The following ARHGAP32 variants were observed in gnomAD, a reference collection of about 807,000 sequenced individuals.
The protein encoded by ARHGAP32 is rho GTPase-activating protein 32.
Under a neutral mutation model 186.5 loss-of-function variants are expected in ARHGAP32, and 51 were observed. That is an observed-to-expected ratio of 0.27 (90% CI 0.22 to 0.35). The LOEUF is 0.35. Ranked by LOEUF, ARHGAP32 falls within the 10% of genes least tolerant of loss-of-function variation. The probability of loss-of-function intolerance (pLI) is 1.00; values close to 1 mark genes in which losing one functional copy is unlikely to be tolerated. For synonymous variants in ARHGAP32, 950 were observed against 964.3 expected, an observed-to-expected ratio of 0.99 and a Z score of 0.27; for missense variants, 2,186 against 2,623.5, an observed-to-expected ratio of 0.83 and a Z score of 3.64.
chr11:129,119,577 CTG>C (rs1294221519), intron 5 of ARHGAP32, among the ~76,000 whole-genome samples: 5 of 151,954 alleles, frequency 3.3e-5, no homozygotes, highest in Non-Finnish European at 7.4e-5. Flanking sequence ...GTGTCAATCA[CTG>C]TTCTAGATGT....
intron 1 of ARHGAP32, among the ~76,000 whole-genome samples, chr11:129,236,293 T>C (rs1037317529): frequency 5.3e-5 from 8 of 152,086 alleles, no homozygotes; most frequent in Non-Finnish European, 1.0e-4. Context: ...TGCACAGTGG[T>C]TTTGATTTGC....
At chr11:129,055,192 C>G (rs942126950) in intron 10 of ARHGAP32, among the ~76,000 whole-genome samples, 1 of 152,216 alleles carries the variant, frequency 6.6e-6, no homozygotes, top group African/African-American at 2.4e-5. Flanking sequence ...CAGAACAGCA[C>G]CCTTCAATAC....
chr11:129,124,025 C>A (rs1942598123), intron 3 of ARHGAP32, 96 bp from the exon 4 acceptor site: 2 of 841,898 alleles, frequency 2.4e-6, no homozygotes, highest in South Asian at 1.7e-5. Flanking sequence ...TGGTTTTCCT[C>A]TTTAAAACTG....
At chr11:128,989,516 T>TCACACACACA (rs56090706) in intron 12 of ARHGAP32, among the ~76,000 whole-genome samples, 12,515 of 138,712 alleles carry the variant, frequency 0.09, 576 homozygotes, top group Admixed American at 0.1. Context: ...GTTTTTTATT[T>TCACACACACA]CACACACACA....
chr11:129,156,084 C>A (rs759362726), intron 2 of ARHGAP32, among the ~76,000 whole-genome samples: 2 of 152,244 alleles, frequency 1.3e-5, no homozygotes. Flanking sequence ...TTCACATGGT[C>A]TTCACAACCT....
chr11:129,138,895 G>A (rs952389338), intron 2 of ARHGAP32, among the ~76,000 whole-genome samples: 1 of 152,166 alleles, frequency 6.6e-6, no homozygotes, highest in Middle Eastern at 3.2e-3. Flanking sequence ...AGGAAACTGA[G>A]ACCAAGAAAG....
At chr11:129,265,305 G>A (rs576517525) in intron 1 of ARHGAP32, among the ~76,000 whole-genome samples, 4 of 152,150 alleles carry the variant, frequency 2.6e-5, no homozygotes, top group East Asian at 1.9e-4. Context: ...TTACAGCAGG[G>A]TTTCTCAACC....
At chr11:129,193,552 A>ATAT (rs1565464483), upstream of ARHGAP32, among the ~76,000 whole-genome samples, 3 of 16,080 alleles carry the variant, frequency 1.9e-4, no homozygotes, top group Non-Finnish European at 3.4e-4. Flanking sequence ...TATATATAAT[A>ATAT]TATATATATT....
chr11:129,039,591 C>T (rs545750260), intron 11 of ARHGAP32, among the ~76,000 whole-genome samples: 2 of 152,176 alleles, frequency 1.3e-5, no homozygotes, highest in South Asian at 4.1e-4. Context: ...GAGCAGTGTC[C>T]GCTAATGGAT....
chr11:128,970,029 G>A lies in ARHGAP32; in HGVS notation c.5184C>T (p.Asn1728=), dbSNP rs1469836985. 7 of 1,614,176 alleles carry A rather than the reference G, an allele frequency of 4.3e-6. No individual in the cohort carries two copies. Among genetic ancestry groups the A allele is most frequent in the East Asian group, 4.5e-5 (2 of 44,878 alleles). ...CGTTGGGAGAGAAATAGCCAGTCAC[G>A]TTGGCCCGGGGACGTGGAGCCAAAC... ...YAGLAPRPRA[N]VTGYFSPNDH... is the part of the protein sequence containing the mutation. The change falls in exon 23 of 23, where the codon AAC becomes AAT. Residue 1728 remains asparagine (N), a synonymous_variant. Coordinates refer to ENST00000682385, the MANE Select transcript of ARHGAP32 (RefSeq NM_001378024.1). The surrounding 1 kb of genome is among the most constrained non-coding windows in gnomAD (Gnocchi z 5.8).
chr11:129,086,689 T>A (rs373783524), intron 6 of ARHGAP32, among the ~76,000 whole-genome samples: 2 of 151,644 alleles, frequency 1.3e-5, no homozygotes, highest in Non-Finnish European at 2.9e-5. Flanking sequence ...GGCGTGGTGG[T>A]GGGCGCCTGT....
chr11:129,038,947 C>A (rs1939479828), intron 11 of ARHGAP32, among the ~76,000 whole-genome samples: 2 of 147,118 alleles, frequency 1.4e-5, no homozygotes, highest in Admixed American at 1.4e-4. Flanking sequence ...TGAATAGATA[C>A]CCTCCAAAGA....
intron 15 of ARHGAP32, among the ~76,000 whole-genome samples, chr11:128,982,903 A>AAG (rs1391330088): frequency 2.0e-5 from 3 of 150,664 alleles, no homozygotes; most frequent in Non-Finnish European, 4.4e-5. Context: ...AAAAAAAAAA[A>AAG]AAAAAAAAAA....
At chr11:129,066,111 C>T (rs1477452806) in intron 7 of ARHGAP32, among the ~76,000 whole-genome samples, 1 of 152,008 alleles carries the variant, frequency 6.6e-6, no homozygotes, top group Admixed American at 6.6e-5. Flanking sequence ...CTTGTTTGTA[C>T]CTCTCAGTTA....
At chr11:129,240,657 T>C (rs1330345621) in intron 1 of ARHGAP32, among the ~76,000 whole-genome samples, 4 of 152,230 alleles carry the variant, frequency 2.6e-5, no homozygotes, top group Admixed American at 2.6e-4. Flanking sequence ...TAAGTATTTG[T>C]GAACTAAGCA....
chr11:129,143,033 G>GA (rs1223064690), intron 2 of ARHGAP32, among the ~76,000 whole-genome samples: 218 of 100,232 alleles, frequency 2.2e-3, no homozygotes, highest in African/African-American at 6.9e-3. Context: ...CTCTTAAATA[G>GA]AAAAAAAAAT....
In ARHGAP32 at chr11:128,972,928, T is replaced by G; in HGVS notation, c.3578A>C (p.His1193Pro). Residue 1193 changes from histidine to proline, a missense_variant, in exon 22 of 23, where the codon CAT becomes CCT. By Grantham distance (77) the His-to-Pro change is moderately conservative. Coordinates refer to ENST00000682385, the MANE Select transcript of ARHGAP32 (RefSeq NM_001378024.1). ...VPLDSEKSDD[H>P]VSFPEDQSGK... ...AGACTGGTCTTCAGGGAAACTTACA[T>G]GATCATCAGACTTCTCTGAGTCTAA... 1 of 1,614,058 alleles carries G rather than the reference T, an allele frequency of 6.2e-7. No individual in the cohort carries two copies. Among genetic ancestry groups the G allele is most frequent in the Non-Finnish European group, 8.5e-7 (1 of 1,180,020 alleles).
At chr11:128,979,142 TC>T (rs1234540652) in intron 18 of ARHGAP32, among the ~76,000 whole-genome samples, 3 of 152,158 alleles carry the variant, frequency 2.0e-5, no homozygotes, top group Non-Finnish European at 4.4e-5. Context: ...TTCACAAAGA[TC>T]ATTTTTATAT....
intron 10 of ARHGAP32, among the ~76,000 whole-genome samples, chr11:129,044,902 G>T (rs530803892): frequency 5.9e-4 from 89 of 150,964 alleles, no homozygotes; most frequent in African/African-American, 2.1e-3. Context: ...AAAAAAAAAA[G>T]TTTTCCATCA....
Sources: allele counts gnomAD v4.1 joint callset (sites outside exome capture counted in the v4.1 genomes callset), GRCh38; gene constraint gnomAD v4.1.1; non-coding constraint Gnocchi (gnomAD v3.1); transcripts MANE v1.5; gene names NCBI Gene and HGNC (gene_info 2026-07-23, HGNC 2026-07-21).